Variants in CEP350 observed in about 807,000 individuals in gnomAD.
The protein encoded by CEP350 is centrosome-associated protein 350.
CEP350 carries 126 observed loss-of-function variants against 331.8 expected under a neutral mutation model. That is an observed-to-expected ratio of 0.38 (90% CI 0.33 to 0.44). The LOEUF is 0.44. Ranked by LOEUF, CEP350 falls within the 20% of genes least tolerant of loss-of-function variation. The pLI is 1.00. For missense variants in CEP350, 3,406 were observed against 3,634.6 expected, an observed-to-expected ratio of 0.94 and a Z score of 1.62; for synonymous variants, 1,200 against 1,259.5, an observed-to-expected ratio of 0.95 and a Z score of 1.00.
At chr1:180,038,107 A>T (rs1656495692) in intron 17 of CEP350, among the ~76,000 whole-genome samples, 1 of 152,054 alleles carries the variant, frequency 6.6e-6, no homozygotes, top group Non-Finnish European at 1.5e-5. Flanking sequence ...CTGGCACCAT[A>T]GTTTATTTTT....
At chr1:179,977,965 TA>T (rs1429128807) in intron 1 of CEP350, among the ~76,000 whole-genome samples, 5 of 150,388 alleles carry the variant, frequency 3.3e-5, no homozygotes, top group Admixed American at 3.3e-4. Flanking sequence ...ATATATTTTA[TA>T]AAATAAAATA....
rs572771407 is a variant in CEP350 at position 179,998,783 on chromosome 1, C to T, written c.1018+1608C>T. Among the ~76,000 whole-genome samples the T allele has an allele frequency of 4.5e-4, 69 of 152,060 alleles. No individual in the cohort carries two copies. The South Asian group carries it at 0.01, about 23-fold the overall frequency. On this transcript the variant is annotated intron_variant, in intron 6 of 37. Coordinates refer to ENST00000367607, the MANE Select transcript of CEP350 (RefSeq NM_014810.5). ...AAACACATCTACTGCATACAGTTTT[C>T]GCCAATTATTAGTTTTTTGTATTGT...
chr1:180,099,945 C>G (rs1165146992), intron 37 of CEP350, among the ~76,000 whole-genome samples: 1 of 152,116 alleles, frequency 6.6e-6, no homozygotes, highest in East Asian at 1.9e-4. Context: ...GCAACCATGT[C>G]CAGCTAATTT....
intron 25 of CEP350, 67 bp from the exon 26 acceptor site, chr1:180,062,153 T>C: frequency 7.4e-7 from 1 of 1,347,508 alleles, no homozygotes; most frequent in South Asian, 2.1e-5. Flanking sequence ...CTGATTTTTT[T>C]TTTAAATATT....
chr1:180,054,399 A>G lies in CEP350; in HGVS notation c.5175-16A>G. ...TTTAATCAAATCTTTGTCTCAATGA[A>G]AAATATTATTTGCAGACATCTACGA... On this transcript the variant is annotated splice_polypyrimidine_tract_variant and intron_variant, in intron 24 of 37. Coordinates refer to ENST00000367607, the MANE Select transcript of CEP350 (RefSeq NM_014810.5). The G allele has an allele frequency of 1.3e-6, 2 of 1,555,252 alleles. No homozygotes were observed. Among genetic ancestry groups the G allele is most frequent in the Non-Finnish European group, 1.7e-6 (2 of 1,143,168 alleles).
At chr1:179,967,261 G>A (rs1373433211) in intron 1 of CEP350, among the ~76,000 whole-genome samples, 2 of 152,100 alleles carry the variant, frequency 1.3e-5, no homozygotes, top group South Asian at 2.1e-4. Context: ...TTGGGTTTTG[G>A]TGATTTTTTT....
Position 180,031,367 on chromosome 1 carries a change from GA to G in CEP350, c.3603del (p.Ala1202GlnfsTer40). The G allele has an allele frequency of 6.2e-7, 1 of 1,608,314 alleles. No homozygotes were observed. Among genetic ancestry groups the G allele is most frequent in the Non-Finnish European group, 8.5e-7 (1 of 1,176,086 alleles). ...TGTTCAGAACTCACTTCTTGATGAG[GA>G]AAAAGCAGAACGTGGCTCCCATCAA... ...GNVQNSLLDE[E>X]KAERGSHQGK... On this transcript the variant is annotated frameshift_variant, in exon 15 of 38. Transcript: ENST00000367607. LOFTEE classifies it high-confidence loss of function.
At chr1:180,110,949 C>T in intron 37 of CEP350, 48 bp from the exon 38 acceptor site, 1 of 1,525,430 alleles carries the variant, frequency 6.6e-7, no homozygotes, top group Non-Finnish European at 9.1e-7. Flanking sequence ...TATTTTCTAG[C>T]TTTTGTATGA....
At chr1:180,108,241 G>A (rs907625788) in intron 37 of CEP350, among the ~76,000 whole-genome samples, 1 of 152,148 alleles carries the variant, frequency 6.6e-6, no homozygotes, top group Non-Finnish European at 1.5e-5. Flanking sequence ...AAAATGTCAT[G>A]AGCATATATT....
chr1:180,093,734 T>C lies in CEP350; in HGVS notation c.7629T>C (p.Asp2543=), dbSNP rs34398436. The stretch of plus-strand genomic sequence containing the variant: ...AAGGAAATAACAATGGAACATATGA[T>C]GGTATTGCATATTTTGAGTGCAAAG... The part of the protein sequence containing the change: ...KPEGNNNGTY[D]GIAYFECKEK... Residue 2543 remains aspartate, a synonymous_variant, in exon 34 of 38, where the codon GAT becomes GAC. Transcript: ENST00000367607. 1,343 of 1,613,954 alleles carry C rather than the reference T, an allele frequency of 8.3e-4. 10 individuals carry two copies. In the Middle Eastern group the frequency reaches 0.022, roughly 27 times the overall value.
intron 20 of CEP350, 107 bp from the exon 21 acceptor site, chr1:180,043,944 A>G: frequency 1.0e-6 from 1 of 958,832 alleles, no homozygotes; most frequent in Non-Finnish European, 1.4e-6. Flanking sequence ...TTATTTTATA[A>G]TATCTATTTG....
intron 28 of CEP350, among the ~76,000 whole-genome samples, chr1:180,077,531 G>A (rs1407793213): frequency 6.6e-6 from 1 of 151,934 alleles, no homozygotes; most frequent in Non-Finnish European, 1.5e-5. Context: ...GCCGGGCATG[G>A]TGGCGCAGGC....
At chr1:179,997,649 G>A (rs2148717943) in intron 6 of CEP350, among the ~76,000 whole-genome samples, 1 of 152,220 alleles carries the variant, frequency 6.6e-6, no homozygotes, top group Admixed American at 6.5e-5. Context: ...TCCAGAATTG[G>A]AATTTTTAAT....
In CEP350 at chr1:180,112,706, T is replaced by C. The variant is rs1243521613; in HGVS notation, c.*1545T>C. 6.6e-6 allele frequency: 1 copy of C among 152,660 alleles called. No homozygotes were observed. Among genetic ancestry groups the C allele is most frequent in the Non-Finnish European group, 1.5e-5 (1 of 68,046 alleles). The allele number at this position is 152,660 out of a possible 1,614,324, so 9.5% of individuals were successfully genotyped here. On this transcript the variant is annotated 3_prime_UTR_variant, in exon 38 of 38. Transcript: ENST00000367607. Reference sequence around the variant, plus strand: ...TATTTACAAATATCCTGGAATGTTATAGCTTCAAAGTATATTAGAAAAACC... The same window carrying C: ...TATTTACAAATATCCTGGAATGTTACAGCTTCAAAGTATATTAGAAAAACC...
chr1:180,055,768 G>C (rs1217139387), intron 25 of CEP350, among the ~76,000 whole-genome samples: 2 of 151,824 alleles, frequency 1.3e-5, no homozygotes, highest in African/African-American at 4.8e-5. Context: ...GGATGGTCTT[G>C]ATCTCCTGAC....
At chr1:179,983,321 G>A (rs1436965936) in intron 1 of CEP350, among the ~76,000 whole-genome samples, 2 of 151,846 alleles carry the variant, frequency 1.3e-5, no homozygotes, top group Admixed American at 1.3e-4. Context: ...TGTAACCTCT[G>A]CCTCCTGGGT....
chr1:180,020,616 C>T lies in CEP350; in HGVS notation c.2842C>T (p.Leu948=). 6.2e-7 allele frequency: 1 copy of T among 1,613,960 alleles called. No individual in the cohort carries two copies. The highest frequency in any genetic ancestry group is 8.5e-7 in the Non-Finnish European group (1 of 1,179,890). Residue 948 remains leucine (L), a synonymous_variant, in exon 12 of 38, where the codon CTG becomes TTG. Transcript: ENST00000367607. ...RSPGPKPEGL[L]AQLCKRQTDS... ...CCCTGGTCCCAAACCAGAAGGGCTACTGGCACAGTTATGTAAAAGGCAGAC... is the reference window on the plus strand; with the variant it reads ...CCCTGGTCCCAAACCAGAAGGGCTATTGGCACAGTTATGTAAAAGGCAGAC...
chr1:179,954,883 T>C lies in CEP350; in HGVS notation c.-273T>C. ...CCGGGCCGGGGAGCGGGGCCAGACC[T>C]GCGCCAGAGAGAACTGCAGGGAGCC... On this transcript the variant is annotated 5_prime_UTR_variant, in exon 1 of 38. Coordinates refer to ENST00000367607, the MANE Select transcript of CEP350 (RefSeq NM_014810.5). 1 of 502,930 alleles carries C rather than the reference T, an allele frequency of 2.0e-6. No homozygotes were observed. Among genetic ancestry groups the C allele is most frequent in the South Asian group, 5.0e-5 (1 of 19,852 alleles). 31.2% of individuals were successfully genotyped at this position (502,930 alleles called of 1,614,324 possible).
chr1:180,010,802 G>T (rs1248748199), intron 8 of CEP350, among the ~76,000 whole-genome samples: 1 of 151,702 alleles, frequency 6.6e-6, no homozygotes, highest in Non-Finnish European at 1.5e-5. Flanking sequence ...TAGAAACAGG[G>T]TCCTGCTATG....
Sources: gnomAD v4.1 joint callset for allele counts (sites outside exome capture counted in the v4.1 genomes callset) on GRCh38, gnomAD v4.1.1 for gene constraint, MANE v1.5 for transcripts, NCBI Gene and HGNC (gene_info 2026-07-23, HGNC 2026-07-21) for gene names.